The following PCDHGB5 variants were observed in gnomAD, a reference collection of about 807,000 sequenced individuals.
The protein encoded by PCDHGB5 is protocadherin gamma subfamily B, 5.
PCDHGB5 carries 48 observed loss-of-function variants against 62.9 expected under a neutral mutation model. That is an observed-to-expected ratio of 0.76 (90% CI 0.61 to 0.97). The LOEUF (loss-of-function observed/expected upper bound fraction) is 0.97, where lower values mean the gene tolerates loss of function less well. PCDHGB5 is among the 50% of genes least tolerant of loss of function. The probability of loss-of-function intolerance (pLI) is 0.00; values close to 1 mark genes in which losing one functional copy is unlikely to be tolerated. For synonymous variants in PCDHGB5, 474 were observed against 511.2 expected (o/e 0.93, Z 0.98); for missense variants, 1,118 against 1,198.6 (o/e 0.93, Z 0.99).
chr5:141,398,256 G>C lies in PCDHGB5; in HGVS notation c.129G>C (p.Lys43Asn). 2.1e-6 allele frequency: 3 copies of C among 1,460,296 alleles called. No individual in the cohort carries two copies. The highest frequency in any genetic ancestry group is 9.3e-7 in the Non-Finnish European group (1 of 1,075,086). 90.5% of individuals were successfully genotyped at this position (1,460,296 alleles called of 1,614,324 possible). A position where few individuals can be genotyped will look rare whatever the true frequency, so the allele number is the denominator to read the frequency against. Residue 43 changes from lysine to asparagine, a missense_variant, in exon 1 of 4, where the codon AAG becomes AAC. By Grantham distance (94) the Lys-to-Asn change is moderately conservative. Transcript: ENST00000617380. ...IRYRIPEEMPKGSVVGNLATD... is the reference protein window; with the variant it reads ...IRYRIPEEMPNGSVVGNLATD... The stretch of plus-strand genomic sequence containing the variant: ...ACAGGATTCCCGAGGAAATGCCCAA[G>C]GGCTCCGTAGTGGGGAACCTCGCCA...
intron 3 of PCDHGB5, among the ~76,000 whole-genome samples, chr5:141,510,204 C>T (rs1403130911): frequency 1.3e-5 from 2 of 150,304 alleles, no homozygotes; most frequent in Admixed American, 1.3e-4. Flanking sequence ...GCCCAGGAGG[C>T]AGAGGTTGCA....
At chr5:141,405,027 A>G (rs1402992376) in intron 1 of PCDHGB5, 1 of 1,613,252 alleles carries the variant, frequency 6.2e-7, no homozygotes, top group Non-Finnish European at 8.5e-7. Context: ...CTTACCCTCT[A>G]CCTCGTTGTG....
Position 141,490,311 on chromosome 5 carries a change from C to T in PCDHGB5, c.2398-4496C>T. 6.2e-7 allele frequency: 1 copy of T among 1,614,200 alleles called. No individual in the cohort carries two copies. The highest frequency in any genetic ancestry group is 8.5e-7 in the Non-Finnish European group (1 of 1,180,018). On this transcript the variant is annotated intron_variant, in intron 1 of 3. Coordinates refer to ENST00000617380, the MANE Select transcript of PCDHGB5 (RefSeq NM_018925.3). This position sits in a 1 kb window ranked among gnomAD's most constrained non-coding sequence, Gnocchi z 5.4. ...AGGTGCTATTGGCCTCTTTGGCCAA[C>T]CCTGTCCTAGAGAGCACACCAGTGG...
rs1386904017 is a variant in PCDHGB5 at position 141,476,642 on chromosome 5, CG to C, written c.2398-18164del. On this transcript the variant is annotated intron_variant, in intron 1 of 3. Coordinates refer to ENST00000617380, the MANE Select transcript of PCDHGB5 (RefSeq NM_018925.3). The surrounding 1 kb of genome is among the most constrained non-coding windows in gnomAD (Gnocchi z 7.6). ...CTCTTTACAAACCTATGAGCTGAGC[CG>C]AAATGAATACTTTGCGCTTCGCGTG... The C allele has an allele frequency of 2.5e-6, 4 of 1,614,240 alleles. No homozygotes were observed.
intron 1 of PCDHGB5, chr5:141,404,457 C>T: frequency 6.2e-7 from 1 of 1,612,824 alleles, no homozygotes; most frequent in Non-Finnish European, 8.5e-7. Flanking sequence ...TCTCCTCTCT[C>T]CACCTATGTC....
chr5:141,455,502 A>G (rs888549465), intron 1 of PCDHGB5, among the ~76,000 whole-genome samples: 12 of 152,206 alleles, frequency 7.9e-5, no homozygotes, highest in African/African-American at 2.7e-4. Flanking sequence ...TCTGATTTGC[A>G]TAGGGCTCAG....
chr5:141,407,996 TG>T, intron 1 of PCDHGB5: 1 of 872,306 alleles, frequency 1.1e-6, no homozygotes, highest in Non-Finnish European at 1.7e-6. Flanking sequence ...GCCTCTGGCC[TG>T]GGATTCCCTG....
intron 2 of PCDHGB5, 35 bp from the exon 3 acceptor site, chr5:141,505,358 G>A (rs1156448862): frequency 6.2e-7 from 1 of 1,613,796 alleles, no homozygotes; most frequent in Non-Finnish European, 8.5e-7. Context: ...GTGCCGGCCT[G>A]GGAGTCTGTG....
At position 141,476,396 on chromosome 5, in the gene PCDHGB5, C is replaced by A; in HGVS notation, c.2398-18411C>A. The A allele has an allele frequency of 6.2e-7, 1 of 1,614,032 alleles. No homozygotes were observed. Among genetic ancestry groups the A allele is most frequent in the Non-Finnish European group, 8.5e-7 (1 of 1,180,020 alleles). Reference sequence around the variant, plus strand: ...GATGTTTGTGAACGACCGTCTGGATCGAGAGGAGCTGTGTGGGACACTGCC... The same window carrying A: ...GATGTTTGTGAACGACCGTCTGGATAGAGAGGAGCTGTGTGGGACACTGCC... On this transcript the variant is annotated intron_variant, in intron 1 of 3. Transcript: ENST00000617380. The surrounding 1 kb of genome is among the most constrained non-coding windows in gnomAD (Gnocchi z 7.6).
At position 141,460,518 on chromosome 5, in the gene PCDHGB5, C is replaced by T. The variant is rs190277142; in HGVS notation, c.2398-34289C>T. ...AAATATGCTGAGAAGGCTATCTTTT[C>T]CCCACCAAATAATCTTAGCACCTTA... On this transcript the variant is annotated intron_variant, in intron 1 of 3. Coordinates refer to ENST00000617380, the MANE Select transcript of PCDHGB5 (RefSeq NM_018925.3). Among the ~76,000 whole-genome samples, 53 of 152,196 alleles carry T rather than the reference C, an allele frequency of 3.5e-4. 1 individual carries two copies. Among genetic ancestry groups the T allele is most frequent in the African/African-American group, 1.2e-3 (50 of 41,522 alleles).
At chr5:141,499,021 GAAGGAAGA>G (rs1193940810) in intron 2 of PCDHGB5, among the ~76,000 whole-genome samples, 2 of 140,162 alleles carry the variant, frequency 1.4e-5, no homozygotes, top group East Asian at 2.1e-4. Flanking sequence ...AGGAAGGAAG[GAAGGAAGA>G]AAAGAAAGAA....
rs373446844 is a variant in PCDHGB5, at chr5:141,486,661, G to A, written c.2398-8146G>A. The A allele has an allele frequency of 3.1e-6, 5 of 1,613,836 alleles. No individual in the cohort carries two copies. In the African/African-American group the frequency reaches 4.0e-5, roughly 13 times the overall value. On this transcript the variant is annotated intron_variant, in intron 1 of 3. Transcript: ENST00000617380. The surrounding 1 kb of genome is among the most constrained non-coding windows in gnomAD (Gnocchi z 5.0). The stretch of plus-strand genomic sequence containing the variant: ...CGCTTATCTCCTACTCACTCCTGGA[G>A]CCCAGGAATCGAGATGTATCAGCTT...
chr5:141,421,243 C>A (rs201273667), intron 1 of PCDHGB5: 1 of 1,601,658 alleles, frequency 6.2e-7, no homozygotes. Flanking sequence ...GAATCGGCTA[C>A]AGCGCGGGGA....
chr5:141,438,617 TATATATATATATATATATACACAC>T (rs1311176771), intron 1 of PCDHGB5, among the ~76,000 whole-genome samples: 58 of 37,154 alleles, frequency 1.6e-3, no homozygotes, highest in African/African-American at 7.8e-3. Flanking sequence ...TATATATATA[TATATATATATATATATATACACAC>T]ACACACACAC....
chr5:141,404,849 C>G, intron 1 of PCDHGB5: 1 of 1,613,862 alleles, frequency 6.2e-7, no homozygotes, highest in Non-Finnish European at 8.5e-7. Context: ...TCGGGCCCTG[C>G]TAGATAGAGA....
intron 1 of PCDHGB5, among the ~76,000 whole-genome samples, chr5:141,467,590 A>T (rs2099146863): frequency 6.6e-6 from 1 of 152,214 alleles, no homozygotes; most frequent in African/African-American, 2.4e-5. Context: ...AATGCCATTT[A>T]TTAAGCACTT....
chr5:141,408,877 C>T (rs1476847671), intron 1 of PCDHGB5: 4 of 1,613,308 alleles, frequency 2.5e-6, no homozygotes, highest in Admixed American at 3.3e-5. Flanking sequence ...GAAGTGCCAC[C>T]GCTCACATAG....
intron 2 of PCDHGB5, among the ~76,000 whole-genome samples, chr5:141,495,663 G>T (rs756466649): frequency 6.6e-6 from 1 of 152,050 alleles, no homozygotes; most frequent in African/African-American, 2.4e-5. Context: ...GATCTGTGCC[G>T]CCCACTGTGC....
intron 1 of PCDHGB5, among the ~76,000 whole-genome samples, chr5:141,474,000 C>T (rs2099336161): frequency 6.6e-6 from 1 of 152,076 alleles, no homozygotes. Context: ...GCCCAAGGAG[C>T]TGGAAGTTAC....
Sources: gnomAD v4.1 joint callset for allele counts (sites outside exome capture counted in the v4.1 genomes callset) on GRCh38, gnomAD v4.1.1 for gene constraint, Gnocchi (gnomAD v3.1) non-coding constraint, MANE v1.5 for transcripts, NCBI Gene and HGNC (gene_info 2026-07-23, HGNC 2026-07-21) for gene names.